Variants in PGPEP1 observed in about 807,000 individuals in gnomAD.
PGPEP1 encodes the protein pyroglutamyl-peptidase 1.
PGPEP1 carries 15 observed loss-of-function variants against 24.1 expected under a neutral mutation model. The observed-to-expected ratio is 0.62, with a 90% CI of 0.42 to 0.96. PGPEP1 has a LOEUF of 0.96. Among genes scored for constraint, PGPEP1 ranks in the 40% least tolerant of loss-of-function variants. PGPEP1 has a pLI of 0.00. For synonymous variants in PGPEP1, 122 were observed against 116.4 expected (o/e 1.05, Z -0.31); for missense variants, 242 against 273.4 (o/e 0.89, Z 0.81).
At chr19:18,356,882 T>TA (rs1201970215) in intron 3 of PGPEP1, among the ~76,000 whole-genome samples, 3 of 151,796 alleles carry the variant, frequency 2.0e-5, no homozygotes, top group African/African-American at 7.3e-5. Flanking sequence ...CTACTAAAAA[T>TA]ACAGAATTAG....
At chr19:18,356,724 G>A (rs1971194888) in intron 3 of PGPEP1, among the ~76,000 whole-genome samples, 3 of 152,114 alleles carry the variant, frequency 2.0e-5, no homozygotes, top group Admixed American at 1.3e-4. Context: ...TCCAGCCTGG[G>A]CAACAGAACA....
chr19:18,359,883 A>G (rs1459843442), intron 4 of PGPEP1, among the ~76,000 whole-genome samples: 1 of 152,000 alleles, frequency 6.6e-6, no homozygotes, highest in African/African-American at 2.4e-5. Context: ...TCCCCAGACC[A>G]AGTTATACCC....
rs1971496077 is a variant in PGPEP1 at position 18,365,012 on chromosome 19, G to GGAGGAA, written c.*1430_*1435dup. The GGAGGAA allele has an allele frequency of 6.6e-6, 1 of 152,114 alleles. No homozygotes were observed. Among genetic ancestry groups the GGAGGAA allele is most frequent in the South Asian group, 2.1e-4 (1 of 4,818 alleles). The allele number at this position is 152,114 out of a possible 1,614,324, so 9.4% of individuals were successfully genotyped here. On this transcript the variant is annotated 3_prime_UTR_variant, in exon 5 of 5. Coordinates refer to ENST00000269919, the MANE Select transcript of PGPEP1 (RefSeq NM_017712.4). ...CTGCATGTCCCGGCATGTCTGAGCA[G>GGAGGAA]GAGGAATTCCGGGCGGCCAAAGGGT...
At chr19:18,351,701 C>T (rs1365157664) in intron 2 of PGPEP1, among the ~76,000 whole-genome samples, 2 of 151,376 alleles carry the variant, frequency 1.3e-5, no homozygotes, top group African/African-American at 4.9e-5. Flanking sequence ...GTAGTCTCAA[C>T]TAAGGCTAAA....
At chr19:18,347,023 T>C (rs1048852534) in intron 2 of PGPEP1, among the ~76,000 whole-genome samples, 1 of 151,822 alleles carries the variant, frequency 6.6e-6, no homozygotes, top group Non-Finnish European at 1.5e-5. Context: ...CCTTCCCACC[T>C]CGTCCCTTCT....
At chr19:18,350,813 A>G (rs558933485) in intron 2 of PGPEP1, among the ~76,000 whole-genome samples, 13 of 152,314 alleles carry the variant, frequency 8.5e-5, no homozygotes, top group African/African-American at 2.6e-4. Flanking sequence ...TCATCCCAGC[A>G]CTTTGGGAGG....
chr19:18,362,779 C>A (rs1244321903), intron 4 of PGPEP1, among the ~76,000 whole-genome samples: 1 of 150,118 alleles, frequency 6.7e-6, no homozygotes, highest in Non-Finnish European at 1.5e-5. Flanking sequence ...GTAGTCCCAG[C>A]TACTCAGGAG....
intron 3 of PGPEP1, among the ~76,000 whole-genome samples, chr19:18,357,152 T>A (rs1451154059): frequency 6.6e-6 from 1 of 152,242 alleles, no homozygotes; most frequent in Non-Finnish European, 1.5e-5. Flanking sequence ...TTGATTTTGA[T>A]AACAAGAACA....
chr19:18,340,608 C>G lies in PGPEP1; in HGVS notation c.-74C>G, dbSNP rs979045516. 2.1e-6 allele frequency: 3 copies of G among 1,408,712 alleles called. No individual in the cohort carries two copies. Among genetic ancestry groups the G allele is most frequent in the South Asian group, 1.3e-5 (1 of 75,938 alleles). 87.3% of individuals were successfully genotyped at this position (1,408,712 alleles called of 1,614,324 possible). On this transcript the variant is annotated 5_prime_UTR_variant, in exon 1 of 5. Transcript: ENST00000269919. ...TGACAGGGGCGTGGCCTCGCGCGGC[C>G]GAGAGGCTGCAGCGGCAGCAGCTGT...
intron 2 of PGPEP1, among the ~76,000 whole-genome samples, chr19:18,352,848 A>G (rs1467402125): frequency 6.7e-6 from 1 of 149,736 alleles, no homozygotes; most frequent in African/African-American, 2.5e-5. Flanking sequence ...GAGCCACCGT[A>G]CTCAGCCACC....
chr19:18,351,012 G>A (rs973852224), intron 2 of PGPEP1, among the ~76,000 whole-genome samples: 17 of 152,184 alleles, frequency 1.1e-4, no homozygotes, highest in African/African-American at 4.1e-4. Context: ...AGTGGCTCAC[G>A]TCTGTAATCC....
intron 4 of PGPEP1, among the ~76,000 whole-genome samples, chr19:18,362,486 G>A (rs1971371284): frequency 6.6e-6 from 1 of 152,094 alleles, no homozygotes; most frequent in African/African-American, 2.4e-5. Flanking sequence ...AGCACTTTGG[G>A]AGGCTGAGGT....
Position 18,367,840 on chromosome 19 carries a change from G to A in PGPEP1, c.*4257G>A, listed in dbSNP as rs1202165324. The stretch of plus-strand genomic sequence containing the variant: ...CCAGATGGCAGTAGTTTCTCGGCAA[G>A]GAGGGGAATCCTGGAGATGGTTCAT... On this transcript the variant is annotated 3_prime_UTR_variant, in exon 5 of 5. Coordinates refer to ENST00000269919, the MANE Select transcript of PGPEP1 (RefSeq NM_017712.4). The A allele has an allele frequency of 6.6e-6, 1 of 152,168 alleles. No individual in the cohort carries two copies. The highest frequency in any genetic ancestry group is 1.5e-5 in the Non-Finnish European group (1 of 68,072). 9.4% of individuals were successfully genotyped at this position (152,168 alleles called of 1,614,324 possible).
intron 2 of PGPEP1, among the ~76,000 whole-genome samples, chr19:18,348,011 C>A (rs998442595): frequency 1.3e-5 from 2 of 152,072 alleles, no homozygotes; most frequent in African/African-American, 4.8e-5. Context: ...TGTTTCCCAC[C>A]CGCAGTGTTC....
At chr19:18,353,826 C>T (rs1378341666) in intron 2 of PGPEP1, among the ~76,000 whole-genome samples, 1 of 152,198 alleles carries the variant, frequency 6.6e-6, no homozygotes, top group Non-Finnish European at 1.5e-5. Flanking sequence ...GTGCTTCTTT[C>T]CTTTTCATGG....
chr19:18,343,717 T>G (rs1970746217), intron 2 of PGPEP1, among the ~76,000 whole-genome samples: 1 of 135,874 alleles, frequency 7.4e-6, no homozygotes, highest in South Asian at 2.5e-4. Context: ...GAAATCTCAC[T>G]CTGTTGCCCA....
At chr19:18,358,471 G>C (rs1206248886) in intron 4 of PGPEP1, among the ~76,000 whole-genome samples, 1 of 151,848 alleles carries the variant, frequency 6.6e-6, no homozygotes, top group African/African-American at 2.4e-5. Flanking sequence ...CGTTGGTCAG[G>C]CTGGTCTCGA....
At chr19:18,351,687 GC>G (rs1055020758) in intron 2 of PGPEP1, among the ~76,000 whole-genome samples, 18 of 151,808 alleles carry the variant, frequency 1.2e-4, no homozygotes, top group Non-Finnish European at 1.9e-4. Flanking sequence ...GGTGGTACAT[GC>G]CTGTAGTCTC....
At chr19:18,345,716 A>G (rs1299495911) in intron 2 of PGPEP1, among the ~76,000 whole-genome samples, 1 of 125,382 alleles carries the variant, frequency 8.0e-6, no homozygotes, top group Non-Finnish European at 1.6e-5. Flanking sequence ...ACAGAGCTAG[A>G]CCCTATCTCA....
Sources: gnomAD v4.1 joint callset for allele counts (sites outside exome capture counted in the v4.1 genomes callset) on GRCh38, gnomAD v4.1.1 for gene constraint, MANE v1.5 for transcripts, NCBI Gene and HGNC (gene_info 2026-07-23, HGNC 2026-07-21) for gene names.